Variants in SNPH observed in about 807,000 individuals in gnomAD.
The protein encoded by SNPH is syntaphilin.
A neutral mutation model predicts 36.8 loss-of-function variants in SNPH; 10 were observed. The observed-to-expected ratio is 0.27, with a 90% CI of 0.17 to 0.46. The LOEUF (loss-of-function observed/expected upper bound fraction) is 0.46, where lower values mean the gene tolerates loss of function less well. SNPH is among the 20% of genes least tolerant of loss of function. SNPH has a pLI of 1.00. For synonymous variants in SNPH, 281 were observed against 312.2 expected (o/e 0.90, Z 1.05); for missense variants, 622 against 744.0 (o/e 0.84, Z 1.91).
intron 2 of SNPH, among the ~76,000 whole-genome samples, chr20:1,277,218 A>C (rs2088142494): frequency 6.6e-6 from 1 of 152,234 alleles, no homozygotes; most frequent in African/African-American, 2.4e-5. Context: ...CCCCGTACCC[A>C]GCACAAACCA....
chr20:1,297,905 G>C (rs2088459783), intron 5 of SNPH, among the ~76,000 whole-genome samples: 1 of 152,254 alleles, frequency 6.6e-6, no homozygotes, highest in Admixed American at 6.5e-5. Flanking sequence ...AACACTTTGA[G>C]AGTGGCAGAG....
intron 2 of SNPH, among the ~76,000 whole-genome samples, chr20:1,282,499 C>T (rs955952901): frequency 1.1e-4 from 16 of 152,112 alleles, no homozygotes; most frequent in Non-Finnish European, 2.1e-4. Context: ...AACCCCTTGC[C>T]CCCTAAAAAT....
rs1252354655 is a variant in SNPH at position 1,304,952 on chromosome 20, G to T, written c.515G>T (p.Arg172Leu). 6.2e-7 allele frequency: 1 copy of T among 1,613,830 alleles called. No individual in the cohort carries two copies. The highest frequency in any genetic ancestry group is 2.2e-5 in the East Asian group (1 of 44,884). Residue 172 changes from arginine to leucine, a missense_variant, in exon 7 of 7, where the codon CGC (arginine) becomes CTC (leucine). By Grantham distance (102) the Arg-to-Leu change is moderately radical. Coordinates refer to ENST00000381867, the MANE Select transcript of SNPH (RefSeq NM_001318234.2). The surrounding 1 kb of genome is among the most constrained non-coding windows in gnomAD (Gnocchi z 4.3). ...QEDWIEEECH[R>L]VEAQLALKEA... ...GACTGGATTGAGGAGGAGTGCCACC[G>T]CGTGGAGGCCCAGCTGGCCCTGAAG...
At chr20:1,290,665 G>A (rs980975173) in intron 2 of SNPH, among the ~76,000 whole-genome samples, 2 of 152,170 alleles carry the variant, frequency 1.3e-5, no homozygotes, top group African/African-American at 4.8e-5. Flanking sequence ...TCTTATACAA[G>A]TTTTTGTTTG....
At chr20:1,296,537 C>A in intron 4 of SNPH, 116 bp downstream of exon 4, 1 of 884,184 alleles carries the variant, frequency 1.1e-6, no homozygotes, top group Non-Finnish European at 1.7e-6. Context: ...TTTCCCATTC[C>A]CATCTTTAAA....
rs1358201925 is a variant in SNPH at position 1,307,251 on chromosome 20, A to C, written c.*1197A>C. The stretch of plus-strand genomic sequence containing the variant: ...GGCGCGTACTGAAGCCACGATGTTC[A>C]TCCAGGCCAAAGCAGGGTGTCCTGG... On this transcript the variant is annotated 3_prime_UTR_variant, in exon 7 of 7. Transcript: ENST00000381867. The C allele has an allele frequency of 6.6e-6, 1 of 152,378 alleles. No homozygotes were observed. The allele number at this position is 152,378 out of a possible 1,614,324, so 9.4% of individuals were successfully genotyped here.
At chr20:1,279,182 C>T (rs749646096) in intron 2 of SNPH, among the ~76,000 whole-genome samples, 15 of 152,192 alleles carry the variant, frequency 9.9e-5, no homozygotes, top group Admixed American at 4.6e-4. Context: ...TTTCTACTCG[C>T]GGCATTATGG....
intron 4 of SNPH, 51 bp downstream of exon 4, chr20:1,296,472 C>G: frequency 6.7e-7 from 1 of 1,492,720 alleles, no homozygotes; most frequent in Non-Finnish European, 9.1e-7. Flanking sequence ...GGGAGGAGGG[C>G]GCACGGGCCT....
chr20:1,300,384 C>G lies in SNPH; in HGVS notation c.291-178C>G, dbSNP rs904175696. 1.2e-4 allele frequency among the ~76,000 whole-genome samples: 18 copies of G among 152,256 alleles called. 1 individual carries two copies. Among genetic ancestry groups the G allele is most frequent in the Admixed American group, 1.1e-3 (17 of 15,294 alleles). On this transcript the variant is annotated intron_variant, in intron 5 of 6. Transcript: ENST00000381867. Reference sequence around the variant, plus strand: ...ATGATGGTCTTCACTTAGAGGAACTCTACTAAAACCCACCTTCCAGAAGGC... The same window carrying G: ...ATGATGGTCTTCACTTAGAGGAACTGTACTAAAACCCACCTTCCAGAAGGC...
intron 5 of SNPH, among the ~76,000 whole-genome samples, chr20:1,297,606 G>T (rs1225831680): frequency 6.6e-6 from 1 of 152,186 alleles, no homozygotes; most frequent in Non-Finnish European, 1.5e-5. Flanking sequence ...TGTCATCACA[G>T]GTGGCTTCTG....
chr20:1,290,444 C>T (rs901676940), intron 2 of SNPH, among the ~76,000 whole-genome samples: 4 of 152,192 alleles, frequency 2.6e-5, no homozygotes, highest in South Asian at 4.1e-4. Context: ...ATGCAATATG[C>T]GGCCTTTCGT....
chr20:1,302,589 A>G (rs905847214), intron 6 of SNPH, among the ~76,000 whole-genome samples: 15 of 150,406 alleles, frequency 1.0e-4, no homozygotes, highest in Non-Finnish European at 1.0e-4. Context: ...CAATATTTCT[A>G]TCACCTCAAA....
chr20:1,286,581 A>T (rs1367240776), intron 2 of SNPH, among the ~76,000 whole-genome samples: 1 of 152,182 alleles, frequency 6.6e-6, no homozygotes, highest in Non-Finnish European at 1.5e-5. Context: ...CATGCCTGGA[A>T]CTGTTGGTGG....
At chr20:1,284,586 A>C (rs2088262868) in intron 2 of SNPH, among the ~76,000 whole-genome samples, 1 of 152,228 alleles carries the variant, frequency 6.6e-6, no homozygotes, top group Non-Finnish European at 1.5e-5. Context: ...CACAGTGGTC[A>C]GAGAAGATTC....
Position 1,306,234 on chromosome 20 carries a change from C to A in SNPH, c.*180C>A. 1.9e-6 allele frequency: 1 copy of A among 520,256 alleles called. No individual in the cohort carries two copies. The highest frequency in any genetic ancestry group is 3.1e-6 in the Non-Finnish European group (1 of 323,560). The allele number at this position is 520,256 out of a possible 1,614,324, so 32.2% of individuals were successfully genotyped here. On this transcript the variant is annotated 3_prime_UTR_variant, in exon 7 of 7. Transcript: ENST00000381867. ...GAGCAGGGGTTGGAGAAAGGCATCC[C>A]AAAGCTTCGATGGAGAGCAGGGAAG...
intron 5 of SNPH, among the ~76,000 whole-genome samples, chr20:1,300,322 G>A (rs1446452006): frequency 2.0e-5 from 3 of 152,170 alleles, no homozygotes; most frequent in Admixed American, 2.0e-4. Flanking sequence ...TCCCCACCCA[G>A]CCCTAACTAG....
chr20:1,299,063 G>C (rs903740926), intron 5 of SNPH, among the ~76,000 whole-genome samples: 2 of 152,052 alleles, frequency 1.3e-5, no homozygotes, highest in Admixed American at 1.3e-4. Flanking sequence ...AAGCAGAGAG[G>C]AGACCTGCGT....
In SNPH at chr20:1,296,069, TGGAGAACACA is replaced by T; in HGVS notation, c.-168_-159del. On this transcript the variant is annotated 5_prime_UTR_variant, in exon 4 of 7. Coordinates refer to ENST00000381867, the MANE Select transcript of SNPH (RefSeq NM_001318234.2). Reference sequence around the variant, plus strand: ...TCTGTCTGGGGCACATTCACTCATCTGGAGAACACAGGGTTGGACTGATTACTTTTAGCCA... The same window carrying T: ...TCTGTCTGGGGCACATTCACTCATCTGGGTTGGACTGATTACTTTTAGCCA... 5.4e-6 allele frequency: 3 copies of T among 554,164 alleles called. No individual in the cohort carries two copies. The South Asian group carries it at 8.0e-5, about 15-fold the overall frequency. The allele number at this position is 554,164 out of a possible 1,614,324, so 34.3% of individuals were successfully genotyped here.
At chr20:1,299,327 A>C (rs781653796) in intron 5 of SNPH, among the ~76,000 whole-genome samples, 80 of 151,736 alleles carry the variant, frequency 5.3e-4, no homozygotes, top group Admixed American at 8.5e-4. Context: ...CCTGCCAGTC[A>C]CTCTCCCCTC....
Sources: allele counts gnomAD v4.1 joint callset (sites outside exome capture counted in the v4.1 genomes callset), GRCh38; gene constraint gnomAD v4.1.1; non-coding constraint Gnocchi (gnomAD v3.1); transcripts MANE v1.5; gene names NCBI Gene and HGNC (gene_info 2026-07-23, HGNC 2026-07-21).